Variants in NTN4 observed in about 807,000 individuals in gnomAD.
NTN4 encodes the protein netrin-4.
A neutral mutation model predicts 73.6 loss-of-function variants in NTN4; 32 were observed. That is an observed-to-expected ratio of 0.44 (90% CI 0.33 to 0.58). The LOEUF is 0.58. Among genes scored for constraint, NTN4 ranks in the 20% least tolerant of loss-of-function variants. The probability of loss-of-function intolerance (pLI) is 0.04; values close to 1 mark genes in which losing one functional copy is unlikely to be tolerated. For synonymous variants in NTN4, 258 were observed against 287.5 expected (o/e 0.90, Z 1.04); for missense variants, 654 against 798.3 (o/e 0.82, Z 2.18).
intron 5 of NTN4, among the ~76,000 whole-genome samples, chr12:95,685,402 T>A: frequency 6.6e-6 from 1 of 152,228 alleles, no homozygotes; most frequent in South Asian, 2.1e-4. Context: ...GGTTGACGGC[T>A]CTGCCTCCCA....
chr12:95,695,879 TG>T (rs1300824449), intron 5 of NTN4, among the ~76,000 whole-genome samples: 3 of 152,178 alleles, frequency 2.0e-5, no homozygotes, highest in African/African-American at 7.2e-5. Flanking sequence ...AATTTTATCA[TG>T]GGAAAACTTG....
At chr12:95,737,305 G>A (rs1263054524) in intron 3 of NTN4, among the ~76,000 whole-genome samples, 3 of 152,152 alleles carry the variant, frequency 2.0e-5, no homozygotes, top group Non-Finnish European at 4.4e-5. Flanking sequence ...CAGAGAGTTC[G>A]TGGTCTCCTG....
At chr12:95,770,992 G>GTTTTGTTTTTC (rs1555221586) in intron 2 of NTN4, among the ~76,000 whole-genome samples, 1 of 70,798 alleles carries the variant, frequency 1.4e-5, no homozygotes. Flanking sequence ...AAAAGAATTT[G>GTTTTGTTTTTC]TTTTTTTTTT....
chr12:95,775,579 C>T (rs2079086267), intron 2 of NTN4, among the ~76,000 whole-genome samples: 1 of 152,236 alleles, frequency 6.6e-6, no homozygotes, highest in South Asian at 2.1e-4. Flanking sequence ...GAGCCTCACT[C>T]ATTGCTAGCA....
At chr12:95,756,939 A>G (rs1438834527) in intron 2 of NTN4, among the ~76,000 whole-genome samples, 9 of 152,062 alleles carry the variant, frequency 5.9e-5, no homozygotes, top group Non-Finnish European at 1.2e-4. Flanking sequence ...TTTAGATGTC[A>G]TCTTTGATGT....
At chr12:95,744,423 CCTAAT>C (rs1334840456) in intron 2 of NTN4, among the ~76,000 whole-genome samples, 1 of 152,114 alleles carries the variant, frequency 6.6e-6, no homozygotes, top group Non-Finnish European at 1.5e-5. Flanking sequence ...AGGCAGCATA[CCTAAT>C]CTTTTTCAAA....
intron 2 of NTN4, among the ~76,000 whole-genome samples, chr12:95,778,029 A>G (rs911304072): frequency 1.3e-5 from 2 of 152,190 alleles, no homozygotes; most frequent in Non-Finnish European, 2.9e-5. Flanking sequence ...ACTCAACTAC[A>G]TGGAAACTGA....
intron 2 of NTN4, chr12:95,739,752 G>A (rs889182620): frequency 3.3e-5 from 5 of 152,184 alleles, no homozygotes; most frequent in African/African-American, 9.7e-5. Flanking sequence ...AAAAGTCTGT[G>A]GTGTCCTTCT....
chr12:95,675,339 G>A (rs1210857360), intron 7 of NTN4, among the ~76,000 whole-genome samples: 1 of 152,180 alleles, frequency 6.6e-6, no homozygotes, highest in Non-Finnish European at 1.5e-5. Flanking sequence ...GGGTCCATAT[G>A]TTCTCTATGA....
chr12:95,767,918 C>T lies in NTN4; in HGVS notation c.585+19021G>A, dbSNP rs1457273572. ...CTTGTTGAGAAATCACACCGACCAA[C>T]TGCCTGCCCGAGGATCTGTCATCCT... On this transcript the variant is annotated intron_variant, in intron 2 of 9. Coordinates refer to ENST00000343702, the MANE Select transcript of NTN4 (RefSeq NM_021229.4). Among the ~76,000 whole-genome samples, 6 of 152,202 alleles carry T rather than the reference C, an allele frequency of 3.9e-5. No homozygotes were observed. In the East Asian group the frequency reaches 1.2e-3, roughly 29 times the overall value.
chr12:95,672,647 T>C (rs1190230345), intron 7 of NTN4: 123 of 1,510,306 alleles, frequency 8.1e-5, no homozygotes, highest in Non-Finnish European at 1.1e-4. Flanking sequence ...GGTGAAGATC[T>C]GGAGGTGCTC....
At chr12:95,737,670 T>C (rs2078788138) in intron 3 of NTN4, among the ~76,000 whole-genome samples, 196 bp downstream of exon 3, 1 of 152,182 alleles carries the variant, frequency 6.6e-6, no homozygotes, top group Non-Finnish European at 1.5e-5. Flanking sequence ...AATCTGGTTA[T>C]CAGGCTTGAC....
chr12:95,762,084 C>T (rs1413505355), intron 2 of NTN4, among the ~76,000 whole-genome samples: 2 of 152,176 alleles, frequency 1.3e-5, no homozygotes, highest in African/African-American at 4.8e-5. Flanking sequence ...TGGCAATTAA[C>T]TTGATGTTAA....
At chr12:95,759,485 A>ATTTTTTT (rs748864733) in intron 2 of NTN4, among the ~76,000 whole-genome samples, 5 of 122,308 alleles carry the variant, frequency 4.1e-5, no homozygotes, top group Non-Finnish European at 1.7e-5. Context: ...CCCTAGTAGT[A>ATTTTTTT]TTTTTGTTTT....
At chr12:95,670,775 A>G (rs2120942250) in intron 7 of NTN4, among the ~76,000 whole-genome samples, 1 of 150,174 alleles carries the variant, frequency 6.7e-6, no homozygotes, top group Non-Finnish European at 1.5e-5. Context: ...GAAGAGTCAC[A>G]TGTGTCTGGG....
At chr12:95,684,130 A>AT (rs2078341580) in intron 5 of NTN4, among the ~76,000 whole-genome samples, 1 of 152,136 alleles carries the variant, frequency 6.6e-6, no homozygotes, top group Non-Finnish European at 1.5e-5. Flanking sequence ...GTCAAAGAAG[A>AT]TGGGGCATGT....
In NTN4 at chr12:95,672,956, G is replaced by A. The variant is rs576499320; in HGVS notation, c.1511-2810C>T. On this transcript the variant is annotated intron_variant, in intron 7 of 9. Transcript: ENST00000343702. ...CTGCTGACTGGTATTCCCATTGTCT[G>A]TAAATTGGACAAGAGCTCGAAGCCC... The A allele has an allele frequency of 9.7e-6, 11 of 1,133,028 alleles. No individual in the cohort carries two copies. The Admixed American group carries it at 1.0e-4, about 10-fold the overall frequency. 70.2% of individuals were successfully genotyped at this position (1,133,028 alleles called of 1,614,324 possible). A position where few individuals can be genotyped will look rare whatever the true frequency, so the allele number is the denominator to read the frequency against.
intron 3 of NTN4, among the ~76,000 whole-genome samples, chr12:95,733,681 A>C (rs1190522726): frequency 2.6e-5 from 4 of 152,148 alleles, no homozygotes; most frequent in Non-Finnish European, 5.9e-5. Context: ...CTTCCAGTAA[A>C]ATAGACAGAT....
chr12:95,758,956 C>A (rs2078966168), intron 2 of NTN4, among the ~76,000 whole-genome samples: 1 of 152,188 alleles, frequency 6.6e-6, no homozygotes, highest in Admixed American at 6.5e-5. Flanking sequence ...AACTCAAGGT[C>A]ATAAATATTT....
Sources: gnomAD v4.1 joint callset for allele counts (sites outside exome capture counted in the v4.1 genomes callset) on GRCh38, gnomAD v4.1.1 for gene constraint, MANE v1.5 for transcripts, NCBI Gene and HGNC (gene_info 2026-07-23, HGNC 2026-07-21) for gene names.